Variants in ARMC2 observed in about 807,000 individuals in gnomAD.
The protein encoded by ARMC2 is armadillo repeat-containing protein 2.
A neutral mutation model predicts 90.3 loss-of-function variants in ARMC2; 67 were observed. That is an observed-to-expected ratio of 0.74 (90% confidence interval 0.61 to 0.91). The LOEUF (loss-of-function observed/expected upper bound fraction) is 0.91, where lower values mean the gene tolerates loss of function less well. Among genes scored for constraint, ARMC2 ranks in the 40% least tolerant of loss-of-function variants. The pLI, the probability that ARMC2 is intolerant of heterozygous loss-of-function variation, is 0.00. For synonymous variants in ARMC2, 393 were observed against 393.0 expected (o/e 1.00, Z 0.00); for missense variants, 920 against 1,030.9 (o/e 0.89, Z 1.47).
chr6:108,953,031 A>G lies in ARMC2; in HGVS notation c.1597-2A>G. 1 of 1,602,770 alleles carries G rather than the reference A, an allele frequency of 6.2e-7. No individual in the cohort carries two copies. Among genetic ancestry groups the G allele is most frequent in the Non-Finnish European group, 8.5e-7 (1 of 1,173,478 alleles). On this transcript the variant is annotated splice_acceptor_variant, in intron 12 of 17. Transcript: ENST00000392644. LOFTEE classifies it high-confidence loss of function. ...TTTGACTCTGTCTTTCGTTTATTGC[A>G]GGATTTAGTCGTCCGTGTTGTTTTT... is the stretch of plus-strand genomic sequence containing the variant.
chr6:108,880,208 T>C, intron 5 of ARMC2: 2 of 326,480 alleles, frequency 6.1e-6, no homozygotes, highest in Non-Finnish European at 1.2e-5. Context: ...TTGGTCTGTC[T>C]AGCAAACAGG....
chr6:109,012,856 T>C, the ARMC2 span, among the ~76,000 whole-genome samples: 2 of 152,156 alleles, frequency 1.3e-5, no homozygotes, highest in Non-Finnish European at 2.9e-5. Flanking sequence ...GGCTTACGCC[T>C]GTAATTCCAG....
chr6:109,011,588 CAGTAACCA>C, the ARMC2 span, among the ~76,000 whole-genome samples: 2 of 151,704 alleles, frequency 1.3e-5, no homozygotes, highest in Admixed American at 6.6e-5. Context: ...AATAAATTTA[CAGTAACCA>C]AGAGTTCCAA....
intron 2 of ARMC2, 89 bp from the exon 3 acceptor site, chr6:108,858,110 T>G (rs1376794580): frequency 1.2e-5 from 12 of 1,019,490 alleles, no homozygotes; most frequent in Non-Finnish European, 1.6e-5. Context: ...ATCCTTTTAC[T>G]TGTTTTTTAG....
At chr6:108,872,661 C>T (rs1291281777) in intron 4 of ARMC2, among the ~76,000 whole-genome samples, 1 of 152,098 alleles carries the variant, frequency 6.6e-6, no homozygotes, top group African/African-American at 2.4e-5. Context: ...CCCAGGGGAC[C>T]ATGAAAAATG....
chr6:108,937,014 CATTT>C lies in ARMC2; in HGVS notation c.1596+17_1596+20del, dbSNP rs1208658440. 2 of 1,549,106 alleles carry C rather than the reference CATTT, an allele frequency of 1.3e-6. No individual in the cohort carries two copies. The highest frequency in any genetic ancestry group is 2.7e-5 in the African/African-American group (2 of 73,784). On this transcript the variant is annotated intron_variant, in intron 12 of 17. Transcript: ENST00000392644. The stretch of plus-strand genomic sequence containing the variant: ...AGAAGAAGCAGGTCAGTTCTTCATT[CATTT>C]AATTCTTCAATGAGTCTTTACACTA...
downstream of ARMC2, among the ~76,000 whole-genome samples, chr6:108,974,959 C>G (rs1778955277): frequency 6.6e-6 from 1 of 151,824 alleles, no homozygotes; most frequent in Non-Finnish European, 1.5e-5. Flanking sequence ...CCTGTAATCT[C>G]AGCTACTCGC....
chr6:109,028,700 C>T, the ARMC2 span, among the ~76,000 whole-genome samples: 1 of 152,198 alleles, frequency 6.6e-6, no homozygotes, highest in African/African-American at 2.4e-5. Context: ...GCAACACATA[C>T]CATAGAAGCA....
chr6:108,980,194 G>A, the ARMC2 span, among the ~76,000 whole-genome samples: 2 of 152,078 alleles, frequency 1.3e-5, no homozygotes, highest in Non-Finnish European at 2.9e-5. Flanking sequence ...CGTCCTTTTT[G>A]TTGATGTTGA....
intron 17 of ARMC2, among the ~76,000 whole-genome samples, chr6:108,972,539 A>T (rs1035831951): frequency 6.6e-6 from 1 of 152,212 alleles, no homozygotes; most frequent in Admixed American, 6.5e-5. Flanking sequence ...TAATTTTTCT[A>T]TGTACACATA....
intron 2 of ARMC2, among the ~76,000 whole-genome samples, chr6:108,857,172 T>C (rs1413837883): frequency 6.6e-6 from 1 of 152,238 alleles, no homozygotes; most frequent in African/African-American, 2.4e-5. Flanking sequence ...ACTGACATAT[T>C]GACAATATTG....
intron 3 of ARMC2, among the ~76,000 whole-genome samples, chr6:108,867,677 C>T (rs538758041): frequency 2.6e-5 from 4 of 152,040 alleles, no homozygotes; most frequent in Non-Finnish European, 4.4e-5. Context: ...AGGCTGAGAC[C>T]GGAGAATCGC....
At chr6:108,987,498 T>G in the ARMC2 span, 2 of 1,081,100 alleles carry the variant, frequency 1.8e-6, no homozygotes, top group Non-Finnish European at 2.8e-6. Flanking sequence ...CCTTGTAGAC[T>G]ATATCTGCTG....
chr6:108,867,870 G>T (rs1316204077), intron 3 of ARMC2, among the ~76,000 whole-genome samples: 1 of 152,060 alleles, frequency 6.6e-6, no homozygotes, highest in African/African-American at 2.4e-5. Flanking sequence ...GAAGGCGGAG[G>T]TTGCAGTGAG....
chr6:108,881,753 C>A (rs562740905), intron 5 of ARMC2, among the ~76,000 whole-genome samples: 76 of 152,148 alleles, frequency 5.0e-4, no homozygotes, highest in African/African-American at 1.8e-3. Context: ...ATTTAAGGAA[C>A]CCAGCATGTG....
At chr6:108,984,085 G>T in the ARMC2 span, among the ~76,000 whole-genome samples, 1 of 152,154 alleles carries the variant, frequency 6.6e-6, no homozygotes, top group East Asian at 1.9e-4. Flanking sequence ...GATGTGGGTT[G>T]TGCACTCCTT....
intron 1 of ARMC2, among the ~76,000 whole-genome samples, chr6:108,852,683 G>T (rs1473751911): frequency 6.6e-6 from 1 of 152,158 alleles, no homozygotes; most frequent in Non-Finnish European, 1.5e-5. Flanking sequence ...AGATTTGCCA[G>T]ATTACTTTTG....
chr6:108,917,101 G>C (rs1774042498), intron 10 of ARMC2, among the ~76,000 whole-genome samples: 1 of 152,144 alleles, frequency 6.6e-6, no homozygotes, highest in Admixed American at 6.5e-5. Flanking sequence ...CTTCCAATCT[G>C]TTTTTTCTTT....
At chr6:108,888,269 TTA>T (rs1770571423) in intron 5 of ARMC2, among the ~76,000 whole-genome samples, 1 of 152,202 alleles carries the variant, frequency 6.6e-6, no homozygotes, top group Non-Finnish European at 1.5e-5. Flanking sequence ...CATGTATTAG[TTA>T]CCATGTGCCT....
Sources: allele counts gnomAD v4.1 joint callset (sites outside exome capture counted in the v4.1 genomes callset), GRCh38; gene constraint gnomAD v4.1.1; transcripts MANE v1.5; gene names NCBI Gene and HGNC (gene_info 2026-07-23, HGNC 2026-07-21).